Variants in DCP1A observed in about 807,000 individuals in gnomAD.
The protein encoded by DCP1A is decapping mRNA 1A.
A neutral mutation model predicts 58.0 loss-of-function variants in DCP1A; 20 were observed. The ratio of observed to expected loss-of-function variants is 0.34; its 90% CI spans 0.24 to 0.50. The LOEUF (loss-of-function observed/expected upper bound fraction) is 0.50, where lower values mean the gene tolerates loss of function less well. DCP1A is among the 20% of genes least tolerant of loss of function. The pLI, the probability that DCP1A is intolerant of heterozygous loss-of-function variation, is 0.98. For missense variants in DCP1A, 613 were observed against 712.2 expected (o/e 0.86, Z 1.59); for synonymous variants, 285 against 275.1 (o/e 1.04, Z -0.36).
At chr3:53,299,923 G>A (rs1393459966) in intron 6 of DCP1A, among the ~76,000 whole-genome samples, 1 of 151,518 alleles carries the variant, frequency 6.6e-6, no homozygotes, top group African/African-American at 2.4e-5. Context: ...GCTGGAGTGT[G>A]GTGGCACGAT....
At chr3:53,290,919 G>T in intron 7 of DCP1A, 63 bp from the exon 8 acceptor site, 4 of 1,393,264 alleles carry the variant, frequency 2.9e-6, no homozygotes, top group Non-Finnish European at 4.0e-6. Flanking sequence ...AGACTTCCTA[G>T]TCTTAATTGA....
chr3:53,300,877 G>A (rs1367757788), intron 6 of DCP1A, among the ~76,000 whole-genome samples: 4 of 151,966 alleles, frequency 2.6e-5, no homozygotes, highest in Non-Finnish European at 5.9e-5. Flanking sequence ...CAAACTCCTG[G>A]ACTCAAGGGA....
At chr3:53,294,267 T>C (rs977720458) in intron 6 of DCP1A, among the ~76,000 whole-genome samples, 1 of 151,880 alleles carries the variant, frequency 6.6e-6, no homozygotes, top group African/African-American at 2.4e-5. Flanking sequence ...AGGGGTGAGA[T>C]TGAGGAGAGT....
chr3:53,308,620 G>C (rs1707546891), intron 5 of DCP1A, among the ~76,000 whole-genome samples: 1 of 152,036 alleles, frequency 6.6e-6, no homozygotes. Flanking sequence ...TTAAGAAACA[G>C]AGTCTTGCTG....
In DCP1A at chr3:53,347,199, C is replaced by T. The variant is rs560363585; in HGVS notation, c.135+184G>A. ...ATGTCTCGAGCCACTTCTCTCACTC[C>T]TATCCCCCAATCCCAAGCGGACCCG... On this transcript the variant is annotated intron_variant, in intron 1 of 9. Transcript: ENST00000610213. 1.2e-4 allele frequency among the ~76,000 whole-genome samples: 19 copies of T among 152,284 alleles called. No homozygotes were observed. In the South Asian group the frequency reaches 3.9e-3, roughly 32 times the overall value.
intron 5 of DCP1A, among the ~76,000 whole-genome samples, chr3:53,305,028 A>G (rs1707427834): frequency 1.3e-5 from 2 of 152,190 alleles, no homozygotes; most frequent in Admixed American, 1.3e-4. Flanking sequence ...GTCCTGTTGC[A>G]GTCATGCCCT....
At chr3:53,336,253 C>G (rs2089113966) in intron 3 of DCP1A, among the ~76,000 whole-genome samples, 1 of 152,100 alleles carries the variant, frequency 6.6e-6, no homozygotes, top group South Asian at 2.1e-4. Flanking sequence ...TTACAGGTGT[C>G]TGCCACCACG....
At chr3:53,317,128 A>G (rs1288586689) in intron 4 of DCP1A, among the ~76,000 whole-genome samples, 1 of 152,166 alleles carries the variant, frequency 6.6e-6, no homozygotes, top group Admixed American at 6.5e-5. Context: ...CTGGATAACC[A>G]TGAATCAACA....
At chr3:53,341,379 C>T (rs142083493) in intron 3 of DCP1A, among the ~76,000 whole-genome samples, 15 of 152,130 alleles carry the variant, frequency 9.9e-5, no homozygotes, top group Admixed American at 7.2e-4. Context: ...GGCATGAATC[C>T]GGGAGGCAGA....
intron 4 of DCP1A, among the ~76,000 whole-genome samples, chr3:53,314,043 TTTTG>T (rs1432229845): frequency 1.3e-5 from 2 of 151,794 alleles, no homozygotes; most frequent in African/African-American, 4.8e-5. Flanking sequence ...CCCATTGAAT[TTTTG>T]TTTGTTTGTT....
At chr3:53,341,190 C>T (rs2089196901) in intron 3 of DCP1A, among the ~76,000 whole-genome samples, 1 of 151,754 alleles carries the variant, frequency 6.6e-6, no homozygotes, top group Non-Finnish European at 1.5e-5. Flanking sequence ...CGTGGTGGCT[C>T]ATGCCTATAA....
intron 3 of DCP1A, among the ~76,000 whole-genome samples, chr3:53,335,997 G>A (rs950708076): frequency 2.6e-5 from 4 of 151,786 alleles, no homozygotes; most frequent in South Asian, 2.1e-4. Flanking sequence ...ACAGGGTTTC[G>A]CCATGTTGCT....
chr3:53,284,963 A>C lies in DCP1A; in HGVS notation c.*2617T>G, dbSNP rs1223465031. ...CAATGAAGAAGAGCTTCTGCCTTAA[A>C]GGAACAAGGCTGTCTGGGAGGCCTG... On this transcript the variant is annotated 3_prime_UTR_variant, in exon 10 of 10. Transcript: ENST00000610213. 1.3e-5 allele frequency: 2 copies of C among 152,206 alleles called. No individual in the cohort carries two copies. The highest frequency in any genetic ancestry group is 4.8e-5 in the African/African-American group (2 of 41,440). 9.4% of individuals were successfully genotyped at this position (152,206 alleles called of 1,614,324 possible).
At chr3:53,323,105 T>G (rs1262368613) in intron 3 of DCP1A, among the ~76,000 whole-genome samples, 1 of 152,168 alleles carries the variant, frequency 6.6e-6, no homozygotes, top group Non-Finnish European at 1.5e-5. Flanking sequence ...ATTACAGGCG[T>G]GAGCCACCGC....
chr3:53,327,523 C>G (rs782290271), intron 3 of DCP1A, among the ~76,000 whole-genome samples: 6 of 152,242 alleles, frequency 3.9e-5, no homozygotes, highest in Non-Finnish European at 7.3e-5. Flanking sequence ...GGTGCGGTGG[C>G]TCACGCTTGT....
chr3:53,316,552 C>T (rs1243833816), intron 4 of DCP1A, among the ~76,000 whole-genome samples: 5 of 151,134 alleles, frequency 3.3e-5, no homozygotes, highest in Admixed American at 6.6e-5. Context: ...GACAGGTACA[C>T]ACCACTGTGC....
At chr3:53,304,041 C>T in intron 6 of DCP1A, 136 bp downstream of exon 6, 1 of 630,074 alleles carries the variant, frequency 1.6e-6, no homozygotes, top group Non-Finnish European at 2.7e-6. Context: ...CGGATCATGA[C>T]CTAGGAGGAT....
chr3:53,305,983 G>A (rs1457038733), intron 5 of DCP1A, among the ~76,000 whole-genome samples: 7 of 152,048 alleles, frequency 4.6e-5, no homozygotes, highest in Admixed American at 6.6e-5. Flanking sequence ...TATCTGATCC[G>A]GCATCTGATG....
chr3:53,314,500 C>T (rs1160254906), intron 4 of DCP1A, among the ~76,000 whole-genome samples: 2 of 152,054 alleles, frequency 1.3e-5, no homozygotes, highest in African/African-American at 4.8e-5. Flanking sequence ...GCCACATCAG[C>T]CTGAATCCAT....
Sources: gnomAD v4.1 joint callset for allele counts (sites outside exome capture counted in the v4.1 genomes callset) on GRCh38, gnomAD v4.1.1 for gene constraint, MANE v1.5 for transcripts, NCBI Gene and HGNC (gene_info 2026-07-23, HGNC 2026-07-21) for gene names.